RANBP2: variants seen among roughly 807,000 people sequenced by gnomAD.
RANBP2 encodes the protein E3 SUMO-protein ligase RanBP2.
A neutral mutation model predicts 303.6 loss-of-function variants in RANBP2; 57 were observed. The observed-to-expected ratio is 0.19, with a 90% CI of 0.15 to 0.23. The LOEUF (loss-of-function observed/expected upper bound fraction) is 0.23, where lower values mean the gene tolerates loss of function less well. Among genes scored for constraint, RANBP2 ranks in the 10% least tolerant of loss-of-function variants. RANBP2 has a pLI of 1.00. For missense variants in RANBP2, 3,138 were observed against 3,780.8 expected, an observed-to-expected ratio of 0.83 and a Z score of 4.46; for synonymous variants, 1,167 against 1,301.5, an observed-to-expected ratio of 0.90 and a Z score of 2.23.
chr2:109,085,782 T>C, the RANBP2 span, among the ~76,000 whole-genome samples: 1 of 151,800 alleles, frequency 6.6e-6, no homozygotes, highest in Non-Finnish European at 1.5e-5. Context: ...TTTATTTTTT[T>C]TTAGTAGAGA....
chr2:109,188,781 T>C, the RANBP2 span, among the ~76,000 whole-genome samples: 2 of 152,162 alleles, frequency 1.3e-5, no homozygotes, highest in Non-Finnish European at 2.9e-5. Flanking sequence ...CGTTACACTT[T>C]GGTTATTTAT....
chr2:109,531,959 G>A, the RANBP2 span, among the ~76,000 whole-genome samples: 1 of 152,202 alleles, frequency 6.6e-6, no homozygotes, highest in Admixed American at 6.5e-5. Context: ...TCTTTTTCAG[G>A]GTGACAGATT....
At position 108,782,118 on chromosome 2, in the gene RANBP2, C is replaced by CTAT; in HGVS notation, c.8761-10_8761-9insTAT. On this transcript the variant is annotated splice_polypyrimidine_tract_variant and intron_variant, in intron 26 of 28. Transcript: ENST00000283195. ...CAGCAGCTTATAGAGAATTTCATCT[C>CTAT]CTATTATAGGTAGAAGTAAAATCTG... 1 of 1,613,598 alleles carries CTAT rather than the reference C, an allele frequency of 6.2e-7. No homozygotes were observed. The highest frequency in any genetic ancestry group is 2.2e-5 in the East Asian group (1 of 44,858).
At chr2:109,099,751 T>G in the RANBP2 span, among the ~76,000 whole-genome samples, 1 of 152,164 alleles carries the variant, frequency 6.6e-6, no homozygotes, top group South Asian at 2.1e-4. Flanking sequence ...CCACATCGTT[T>G]TTGCATACTT....
At chr2:109,653,154 C>T in the RANBP2 span, among the ~76,000 whole-genome samples, 156 of 152,016 alleles carry the variant, frequency 1.0e-3, 1 homozygote, top group Middle Eastern at 3.4e-3. Context: ...CCGAGGACTT[C>T]GGGAGGCTGA....
At chr2:109,345,836 T>C in the RANBP2 span, among the ~76,000 whole-genome samples, 1 of 152,236 alleles carries the variant, frequency 6.6e-6, no homozygotes, top group Non-Finnish European at 1.5e-5. Flanking sequence ...CAGGTCATTC[T>C]TTGTGGCAGA....
At chr2:109,247,487 C>A in the RANBP2 span, among the ~76,000 whole-genome samples, 33 of 152,206 alleles carry the variant, frequency 2.2e-4, no homozygotes, top group African/African-American at 7.0e-4. Flanking sequence ...TTGTGCAAAA[C>A]CATTATTCTT....
the RANBP2 span, among the ~76,000 whole-genome samples, chr2:109,039,203 CCCTGGGTCTCCAG>C: frequency 3.3e-5 from 5 of 152,196 alleles, no homozygotes; most frequent in African/African-American, 1.2e-4. Flanking sequence ...ATCAACCCTC[CCCTGGGTCTCCAG>C]CCTGCTGGTC....
chr2:109,499,469 T>G, the RANBP2 span, among the ~76,000 whole-genome samples: 1 of 152,198 alleles, frequency 6.6e-6, no homozygotes, highest in Non-Finnish European at 1.5e-5. Context: ...CAGCCCTTAC[T>G]GCACAATCCT....
chr2:108,805,816 C>A, the RANBP2 span, among the ~76,000 whole-genome samples: 7 of 151,528 alleles, frequency 4.6e-5, no homozygotes, highest in Non-Finnish European at 8.8e-5. Context: ...TTTTTCCTTC[C>A]ATCTGCCAGT....
the RANBP2 span, among the ~76,000 whole-genome samples, chr2:109,133,906 C>G: frequency 6.6e-6 from 1 of 152,122 alleles, no homozygotes; most frequent in Non-Finnish European, 1.5e-5. Flanking sequence ...AGGCTGTAGT[C>G]TCTGGTGGGT....
chr2:108,961,954 G>A, the RANBP2 span, among the ~76,000 whole-genome samples: 1 of 152,212 alleles, frequency 6.6e-6, no homozygotes, highest in African/African-American at 2.4e-5. Flanking sequence ...CTGTGTTCAG[G>A]GAAATCAAAG....
the RANBP2 span, chr2:109,545,475 T>G: frequency 6.5e-7 from 1 of 1,536,186 alleles, no homozygotes; most frequent in South Asian, 1.2e-5. Context: ...TCTGCGTCTT[T>G]ACGTCCACCA....
At chr2:109,271,434 G>A in the RANBP2 span, among the ~76,000 whole-genome samples, 29 of 152,222 alleles carry the variant, frequency 1.9e-4, no homozygotes, top group Non-Finnish European at 4.0e-4. Flanking sequence ...TGGAGTAAGA[G>A]TTTTTCAACA....
the RANBP2 span, among the ~76,000 whole-genome samples, chr2:109,536,033 T>C: frequency 1.5e-5 from 1 of 66,170 alleles, no homozygotes; most frequent in Non-Finnish European, 2.8e-5. Context: ...CAGGCAGAAG[T>C]TGCTGCAGTG....
At chr2:108,768,553 G>A (rs1481232512) in intron 20 of RANBP2, among the ~76,000 whole-genome samples, 165 bp downstream of exon 20, 1 of 152,090 alleles carries the variant, frequency 6.6e-6, no homozygotes, top group African/African-American at 2.4e-5. Flanking sequence ...TTCACGGTGA[G>A]GTTTCAAAGA....
the RANBP2 span, among the ~76,000 whole-genome samples, chr2:109,454,124 G>C: frequency 8.5e-5 from 13 of 152,322 alleles, no homozygotes; most frequent in South Asian, 2.3e-3. Context: ...ATAAGAGAGA[G>C]AAGAAAACAA....
At chr2:109,370,223 CTCTG>C in the RANBP2 span, among the ~76,000 whole-genome samples, 3 of 139,114 alleles carry the variant, frequency 2.2e-5, no homozygotes, top group Admixed American at 6.8e-5. Context: ...CTGTCTCTGT[CTCTG>C]TCTCTCTCTC....
chr2:109,392,559 A>C, the RANBP2 span, among the ~76,000 whole-genome samples: 1 of 151,436 alleles, frequency 6.6e-6, no homozygotes, highest in Non-Finnish European at 1.5e-5. Flanking sequence ...GCCCAGGCTG[A>C]GTGCAGTGGC....
Sources: allele counts gnomAD v4.1 joint callset (sites outside exome capture counted in the v4.1 genomes callset), GRCh38; gene constraint gnomAD v4.1.1; transcripts MANE v1.5; gene names NCBI Gene and HGNC (gene_info 2026-07-23, HGNC 2026-07-21).